The following RTN4 variants were observed in gnomAD, a reference collection of about 807,000 sequenced individuals.
RTN4 encodes reticulon-4.
Under a neutral mutation model 90.4 loss-of-function variants are expected in RTN4, and 32 were observed. That is an observed-to-expected ratio of 0.35 (90% CI 0.27 to 0.48). RTN4 has a LOEUF of 0.48. Ranked by LOEUF, RTN4 falls within the 20% of genes least tolerant of loss-of-function variation. RTN4 has a pLI of 0.99. For missense variants in RTN4, 1,706 were observed against 1,430.2 expected (o/e 1.19, Z -3.11); for synonymous variants, 629 against 552.5 (o/e 1.14, Z -1.94).
At chr2:55,084,650 A>AC (rs1170038783) in intron 1 of RTN4, among the ~76,000 whole-genome samples, 1 of 152,170 alleles carries the variant, frequency 6.6e-6, no homozygotes, top group Non-Finnish European at 1.5e-5. Context: ...TTGAGCCCTT[A>AC]ACCTGTGGCG....
chr2:55,015,909 G>T (rs1680999062), intron 3 of RTN4, among the ~76,000 whole-genome samples: 1 of 152,066 alleles, frequency 6.6e-6, no homozygotes. Context: ...TCTGATAAAA[G>T]GGTAAAAATT....
At chr2:55,023,030 C>G (rs1681565415) in intron 3 of RTN4, among the ~76,000 whole-genome samples, 2 of 151,908 alleles carry the variant, frequency 1.3e-5, no homozygotes, top group African/African-American at 4.8e-5. Flanking sequence ...GTTCTTAAAC[C>G]TAATCTGGGC....
At chr2:55,045,921 C>G (rs1296055201) in intron 1 of RTN4, among the ~76,000 whole-genome samples, 1 of 152,216 alleles carries the variant, frequency 6.6e-6, no homozygotes, top group Non-Finnish European at 1.5e-5. Flanking sequence ...TCCTCAAAGC[C>G]TAACTTAACC....
chr2:54,973,415 T>A (rs923600967), intron 8 of RTN4, 148 bp downstream of exon 8: 10 of 781,790 alleles, frequency 1.3e-5, no homozygotes, highest in Non-Finnish European at 2.1e-5. Flanking sequence ...GGTCCAAATG[T>A]TAGAAAAACA....
At chr2:54,986,733 T>C (rs565583051) in intron 4 of RTN4, among the ~76,000 whole-genome samples, 67 of 152,216 alleles carry the variant, frequency 4.4e-4, no homozygotes, top group Non-Finnish European at 7.5e-4. Context: ...CGGGCGTTGG[T>C]TGGGGAGTTG....
chr2:55,127,902 C>G, the RTN4 span, among the ~76,000 whole-genome samples: 1 of 151,962 alleles, frequency 6.6e-6, no homozygotes, highest in East Asian at 1.9e-4. Context: ...CAGAACCACA[C>G]CTCTCTGTGA....
At chr2:55,060,142 T>C (rs189902687) in intron 2 of RTN4, among the ~76,000 whole-genome samples, 2 of 152,272 alleles carry the variant, frequency 1.3e-5, no homozygotes, top group African/African-American at 4.8e-5. Flanking sequence ...AAAAAATAGA[T>C]TGGATTTCTA....
chr2:54,991,863 C>T (rs543622044), intron 3 of RTN4, among the ~76,000 whole-genome samples: 1 of 152,208 alleles, frequency 6.6e-6, no homozygotes, highest in South Asian at 2.1e-4. Flanking sequence ...ATTTTTCAAG[C>T]AATTATAAAC....
intron 3 of RTN4, among the ~76,000 whole-genome samples, chr2:55,003,816 T>C (rs919148405): frequency 5.9e-5 from 9 of 152,146 alleles, no homozygotes; most frequent in African/African-American, 2.2e-4. Flanking sequence ...AACTCAGAGA[T>C]GATCTCAACA....
At chr2:55,018,739 T>C (rs1275390547) in intron 3 of RTN4, among the ~76,000 whole-genome samples, 1 of 151,494 alleles carries the variant, frequency 6.6e-6, no homozygotes, top group African/African-American at 2.4e-5. Flanking sequence ...ATTTCTTAAG[T>C]ATGTATGTGT....
intron 1 of RTN4, among the ~76,000 whole-genome samples, chr2:55,081,318 C>T (rs1348904967): frequency 6.6e-6 from 1 of 152,066 alleles, no homozygotes; most frequent in Non-Finnish European, 1.5e-5. Context: ...CTCAAGTGAT[C>T]CTCCTTCGTC....
At chr2:55,069,093 T>C (rs549882360) in intron 2 of RTN4, among the ~76,000 whole-genome samples, 3 of 152,300 alleles carry the variant, frequency 2.0e-5, no homozygotes, top group African/African-American at 7.2e-5. Context: ...TAAAAAGAGT[T>C]TGGACCTTGC....
intron 1 of RTN4, among the ~76,000 whole-genome samples, chr2:55,082,900 G>A (rs945847457): frequency 6.6e-6 from 1 of 152,096 alleles, no homozygotes; most frequent in Non-Finnish European, 1.5e-5. Context: ...GCATTTCTCT[G>A]AGACCGCGCC....
intron 2 of RTN4, among the ~76,000 whole-genome samples, chr2:55,077,342 C>T (rs996372035): frequency 6.6e-6 from 1 of 152,074 alleles, no homozygotes; most frequent in African/African-American, 2.4e-5. Context: ...AGCATGAGAA[C>T]GGACTAATAT....
the RTN4 span, among the ~76,000 whole-genome samples, chr2:55,132,936 G>T: frequency 6.6e-6 from 1 of 151,556 alleles, no homozygotes; most frequent in African/African-American, 2.4e-5. Context: ...ACATGGCCGG[G>T]TGTGGTGGCT....
chr2:55,025,788 G>C lies in RTN4; in HGVS notation c.2311C>G (p.Leu771Val), dbSNP rs1251404591. The change falls in exon 3 of 9, where the codon CTC becomes GTC. Residue 771 changes from leucine to valine, a missense_variant. Coordinates refer to ENST00000337526, the MANE Select transcript of RTN4 (RefSeq NM_020532.5). ...ATTGACTCAAATGAAGTCTCAGTGA[G>C]ACTTTCTTTCACAAGCATCACAGTT... ...DETVMLVKES[L>V]TETSFESMIE... 1 of 1,613,558 alleles carries C rather than the reference G, an allele frequency of 6.2e-7. No individual in the cohort carries two copies. Among genetic ancestry groups the C allele is most frequent in the Non-Finnish European group, 8.5e-7 (1 of 1,179,800 alleles).
chr2:54,998,876 A>C (rs1335675467), intron 3 of RTN4, among the ~76,000 whole-genome samples: 1 of 152,198 alleles, frequency 6.6e-6, no homozygotes, highest in Admixed American at 6.5e-5. Flanking sequence ...TTATACAGGG[A>C]AAGTTTAACT....
intron 2 of RTN4, among the ~76,000 whole-genome samples, chr2:55,066,140 G>A (rs2105010107): frequency 6.6e-6 from 1 of 151,892 alleles, no homozygotes; most frequent in African/African-American, 2.4e-5. Context: ...AAAAGCAATT[G>A]GCAAAGTAGT....
chr2:55,102,730 T>G (rs1667872960), intron 1 of RTN4, among the ~76,000 whole-genome samples: 1 of 152,066 alleles, frequency 6.6e-6, no homozygotes, highest in Admixed American at 6.5e-5. Flanking sequence ...AAGAGATTTA[T>G]AAAACAAAAC....
Sources: gnomAD v4.1 joint callset for allele counts (sites outside exome capture counted in the v4.1 genomes callset) on GRCh38, gnomAD v4.1.1 for gene constraint, MANE v1.5 for transcripts, NCBI Gene and HGNC (gene_info 2026-07-23, HGNC 2026-07-21) for gene names.